OTUD7A: variants seen among roughly 807,000 people sequenced by gnomAD.
The protein encoded by OTUD7A is OTU deubiquitinase 7A.
A neutral mutation model predicts 65.7 loss-of-function variants in OTUD7A; 12 were observed. That is an observed-to-expected ratio of 0.18 (90% CI 0.12 to 0.30). OTUD7A has a LOEUF of 0.30. Among genes scored for constraint, OTUD7A ranks in the 10% least tolerant of loss-of-function variants. The probability of loss-of-function intolerance (pLI) is 1.00; values close to 1 mark genes in which losing one functional copy is unlikely to be tolerated. For missense variants in OTUD7A, 1,148 were observed against 1,304.8 expected (o/e 0.88, Z 1.85); for synonymous variants, 641 against 586.3 (o/e 1.09, Z -1.35).
chr15:31,793,138 A>C (rs1212121622), intron 1 of OTUD7A, among the ~76,000 whole-genome samples: 1 of 151,846 alleles, frequency 6.6e-6, no homozygotes, highest in Non-Finnish European at 1.5e-5. Flanking sequence ...CCAACCCCCC[A>C]TGCACCTTCC....
intron 8 of OTUD7A, among the ~76,000 whole-genome samples, chr15:31,512,354 C>T (rs577762904): frequency 2.6e-5 from 4 of 152,110 alleles, no homozygotes; most frequent in Admixed American, 2.0e-4. Flanking sequence ...AGACCACCCC[C>T]GGCAGAGAAT....
chr15:31,751,028 C>T (rs1471002567), intron 1 of OTUD7A, among the ~76,000 whole-genome samples: 3 of 152,170 alleles, frequency 2.0e-5, no homozygotes, highest in East Asian at 1.9e-4. Context: ...AAAGAACTTA[C>T]GACTAAGTCC....
intron 1 of OTUD7A, among the ~76,000 whole-genome samples, chr15:31,852,409 A>G (rs1897452711): frequency 6.6e-6 from 1 of 152,254 alleles, no homozygotes; most frequent in Non-Finnish European, 1.5e-5. Context: ...TGGAGAAACT[A>G]AAAAACTAAG....
chr15:31,530,588 A>G, intron 6 of OTUD7A, 119 bp downstream of exon 6: 1 of 890,330 alleles, frequency 1.1e-6, no homozygotes, highest in Non-Finnish European at 1.7e-6. Flanking sequence ...CATGACAGTG[A>G]CATGGGTGAC....
At chr15:31,675,193 A>C (rs1892569299) in intron 1 of OTUD7A, among the ~76,000 whole-genome samples, 1 of 152,170 alleles carries the variant, frequency 6.6e-6, no homozygotes, top group African/African-American at 2.4e-5. Flanking sequence ...ACAGAAAAAG[A>C]CATAAAGAGA....
chr15:31,823,261 C>T (rs1643822167), intron 1 of OTUD7A, among the ~76,000 whole-genome samples: 1 of 152,310 alleles, frequency 6.6e-6, no homozygotes, highest in Middle Eastern at 3.4e-3. Context: ...GGAGCATCAG[C>T]GACCTCCCAC....
intron 8 of OTUD7A, among the ~76,000 whole-genome samples, chr15:31,517,085 C>T (rs1422557527): frequency 1.3e-5 from 2 of 152,206 alleles, no homozygotes; most frequent in East Asian, 3.8e-4. Context: ...TCTGCCAGTA[C>T]AAACAAGCTT....
intron 3 of OTUD7A, among the ~76,000 whole-genome samples, chr15:31,629,979 C>G (rs1595669883): frequency 1.3e-5 from 2 of 151,614 alleles, no homozygotes. Context: ...TGATTCTTCT[C>G]TCTTTCTTCT....
At chr15:31,864,796 A>ACACAC (rs1567061823) in intron 1 of OTUD7A, among the ~76,000 whole-genome samples, 1 of 145,006 alleles carries the variant, frequency 6.9e-6, no homozygotes, top group African/African-American at 2.7e-5. Flanking sequence ...CACACACACA[A>ACACAC]GTCAAAGCAA....
intron 1 of OTUD7A, among the ~76,000 whole-genome samples, chr15:31,823,606 G>A (rs1051884534): frequency 6.6e-6 from 1 of 152,156 alleles, no homozygotes; most frequent in East Asian, 1.9e-4. Flanking sequence ...CAAAGGACAC[G>A]CCTCCTGAAC....
intron 1 of OTUD7A, among the ~76,000 whole-genome samples, chr15:31,778,038 G>C (rs1417882440): frequency 6.6e-6 from 1 of 152,104 alleles, no homozygotes; most frequent in Non-Finnish European, 1.5e-5. Context: ...CAGGATCTAG[G>C]GGTATCATCA....
intron 3 of OTUD7A, among the ~76,000 whole-genome samples, chr15:31,593,965 A>G (rs180757936): frequency 5.0e-4 from 76 of 152,298 alleles, no homozygotes; most frequent in African/African-American, 1.7e-3. Flanking sequence ...ACTGAGCCCA[A>G]TCATCTTTCT....
intron 1 of OTUD7A, among the ~76,000 whole-genome samples, chr15:31,679,579 C>G (rs1396307409): frequency 4.6e-5 from 7 of 152,134 alleles, no homozygotes; most frequent in Non-Finnish European, 8.8e-5. Context: ...TGATGGCTCT[C>G]TAAGTGCCTG....
chr15:31,554,053 C>T (rs1224258055), intron 5 of OTUD7A, among the ~76,000 whole-genome samples: 6 of 152,182 alleles, frequency 3.9e-5, no homozygotes, highest in Non-Finnish European at 7.3e-5. Flanking sequence ...GCTCAGGTGA[C>T]ACTGGCTTCC....
intron 3 of OTUD7A, among the ~76,000 whole-genome samples, chr15:31,601,751 A>G (rs1411799960): frequency 6.6e-6 from 1 of 152,186 alleles, no homozygotes; most frequent in Non-Finnish European, 1.5e-5. Flanking sequence ...TCAAATACAC[A>G]CAATGGAAAA....
intron 1 of OTUD7A, among the ~76,000 whole-genome samples, chr15:31,677,003 G>C (rs988962354): frequency 3.3e-5 from 5 of 152,356 alleles, no homozygotes; most frequent in African/African-American, 1.2e-4. Context: ...CCTTGCCTTT[G>C]TGTTTCTAGG....
intron 1 of OTUD7A, among the ~76,000 whole-genome samples, chr15:31,806,539 G>C (rs1250781994): frequency 6.6e-6 from 1 of 152,138 alleles, no homozygotes; most frequent in Non-Finnish European, 1.5e-5. Context: ...CTTCCATGCA[G>C]ACCCCTCGTG....
intron 3 of OTUD7A, among the ~76,000 whole-genome samples, chr15:31,616,575 T>C (rs1327446607): frequency 6.6e-6 from 1 of 152,188 alleles, no homozygotes; most frequent in African/African-American, 2.4e-5. Context: ...AGACAGAGTC[T>C]TGCTCTGTCT....
intron 1 of OTUD7A, among the ~76,000 whole-genome samples, chr15:31,808,136 C>CACACACACACACACAAAA (rs772574742): frequency 2.3e-3 from 273 of 119,468 alleles, no homozygotes; most frequent in East Asian, 7.3e-3. Context: ...CACACACACA[C>CACACACACACACACAAAA]AAACAAATCC....
Sources: allele counts gnomAD v4.1 joint callset (sites outside exome capture counted in the v4.1 genomes callset), GRCh38; gene constraint gnomAD v4.1.1; transcripts MANE v1.5; gene names NCBI Gene and HGNC (gene_info 2026-07-23, HGNC 2026-07-21).